COL21A1: variants seen among roughly 807,000 people sequenced by gnomAD.
COL21A1 encodes the protein collagen type XXI alpha 1 chain.
Under a neutral mutation model 137.9 loss-of-function variants are expected in COL21A1, and 149 were observed. The ratio of observed to expected loss-of-function variants is 1.08; its 90% confidence interval spans 0.95 to 1.24. COL21A1 has a LOEUF of 1.24. COL21A1 is among the 50% of genes most tolerant of loss of function. The pLI, the probability that COL21A1 is intolerant of heterozygous loss-of-function variation, is 0.00. For missense variants in COL21A1, 1,167 were observed against 1,158.4 expected (o/e 1.01, Z -0.11); for synonymous variants, 456 against 391.5 (o/e 1.16, Z -1.95).
chr6:56,150,780 G>T (rs1024257160), intron 10 of COL21A1, among the ~76,000 whole-genome samples: 2 of 152,090 alleles, frequency 1.3e-5, no homozygotes, highest in African/African-American at 4.8e-5. Flanking sequence ...GAGAACCTAG[G>T]CCTCATCTGG....
At chr6:56,341,672 T>C (rs1383168247) in intron 1 of COL21A1, among the ~76,000 whole-genome samples, 22 of 152,182 alleles carry the variant, frequency 1.4e-4, no homozygotes, top group Admixed American at 1.4e-3. Context: ...TCATTATACA[T>C]TTGTCTAAAC....
chr6:56,126,883 C>T (rs1243575745), intron 12 of COL21A1, among the ~76,000 whole-genome samples: 2 of 152,118 alleles, frequency 1.3e-5, no homozygotes, highest in Non-Finnish European at 2.9e-5. Flanking sequence ...CAATTATACT[C>T]CTAGCTTGTC....
At chr6:56,298,475 T>C (rs185678534) in intron 1 of COL21A1, among the ~76,000 whole-genome samples, 1 of 152,150 alleles carries the variant, frequency 6.6e-6, no homozygotes, top group Non-Finnish European at 1.5e-5. Context: ...CAGTTGAGTT[T>C]GTTGTCTCTG....
intron 1 of COL21A1, among the ~76,000 whole-genome samples, chr6:56,252,855 G>A (rs1782884495): frequency 2.0e-5 from 3 of 152,176 alleles, no homozygotes; most frequent in Admixed American, 2.0e-4. Context: ...TGCATGGAGA[G>A]AAAAGATATA....
chr6:56,110,041 G>A (rs1253565521), intron 16 of COL21A1, among the ~76,000 whole-genome samples: 1 of 151,886 alleles, frequency 6.6e-6, no homozygotes, highest in Admixed American at 6.6e-5. Context: ...AAAGAAAACT[G>A]CTGATCAAAA....
chr6:56,248,890 A>C (rs944722825), upstream of COL21A1, among the ~76,000 whole-genome samples: 3 of 152,232 alleles, frequency 2.0e-5, no homozygotes, highest in Admixed American at 1.3e-4. Flanking sequence ...TCAAGAAAAA[A>C]TAAGTTAGAC....
At chr6:56,120,875 G>A (rs1442926562) in intron 16 of COL21A1, among the ~76,000 whole-genome samples, 2 of 151,394 alleles carry the variant, frequency 1.3e-5, no homozygotes, top group Non-Finnish European at 2.9e-5. Flanking sequence ...GTACCCAAAA[G>A]AAGAAAGGAA....
At chr6:56,180,695 C>T (rs184434477) in intron 2 of COL21A1, among the ~76,000 whole-genome samples, 43 of 152,284 alleles carry the variant, frequency 2.8e-4, no homozygotes, top group African/African-American at 9.6e-4. Context: ...AAGAAAAAGA[C>T]TTCCCCTGTT....
At chr6:56,377,254 G>T (rs1198798862) in intron 1 of COL21A1, among the ~76,000 whole-genome samples, 3 of 152,068 alleles carry the variant, frequency 2.0e-5, no homozygotes, top group Non-Finnish European at 4.4e-5. Flanking sequence ...CTCCCAAAGT[G>T]CTGGGATTAC....
At chr6:56,146,745 A>G (rs1774868869) in intron 10 of COL21A1, among the ~76,000 whole-genome samples, 1 of 152,176 alleles carries the variant, frequency 6.6e-6, no homozygotes, top group Middle Eastern at 3.2e-3. Context: ...AGCAAGCTGA[A>G]AAACATATTG....
At chr6:56,291,327 G>A (rs4715607) in intron 1 of COL21A1, among the ~76,000 whole-genome samples, 68,239 of 152,024 alleles carry the variant, frequency 0.45, 17,250 homozygotes, top group East Asian at 0.77. Flanking sequence ...TGTTTGAAGG[G>A]GCAAGGTGAA....
At chr6:56,380,465 G>C (rs2094006981) in intron 1 of COL21A1, among the ~76,000 whole-genome samples, 1 of 152,042 alleles carries the variant, frequency 6.6e-6, no homozygotes, top group South Asian at 2.1e-4. Flanking sequence ...ATATAAAATT[G>C]ATCCTCATTA....
At chr6:56,260,681 A>C (rs188886036) in intron 1 of COL21A1, among the ~76,000 whole-genome samples, 3,305 of 109,028 alleles carry the variant, frequency 0.03, 115 homozygotes, top group Admixed American at 0.079. Context: ...GGAAGGAAGG[A>C]AGGAAGGAAG....
intron 1 of COL21A1, among the ~76,000 whole-genome samples, chr6:56,222,227 C>T (rs1051044547): frequency 6.6e-6 from 1 of 151,952 alleles, no homozygotes; most frequent in African/African-American, 2.4e-5. Context: ...GAGCCGAGAT[C>T]GTGCTATTGC....
intron 12 of COL21A1, among the ~76,000 whole-genome samples, chr6:56,139,746 T>TA (rs564414685): frequency 6.2e-4 from 95 of 152,252 alleles, no homozygotes; most frequent in South Asian, 1.7e-3. Context: ...TAAAACCACT[T>TA]AGTTTTTCGA....
At chr6:56,157,872 A>G (rs1381609400) in intron 9 of COL21A1, among the ~76,000 whole-genome samples, 1 of 152,204 alleles carries the variant, frequency 6.6e-6, no homozygotes, top group Non-Finnish European at 1.5e-5. Context: ...TAATTCTTGA[A>G]TACATGTAAT....
intron 10 of COL21A1, among the ~76,000 whole-genome samples, chr6:56,156,153 T>C (rs985773970): frequency 1.3e-5 from 2 of 152,136 alleles, no homozygotes; most frequent in African/African-American, 2.4e-5. Flanking sequence ...GAAAAGACAA[T>C]AGAATTTCTA....
chr6:56,230,560 T>C lies in COL21A1; in HGVS notation c.-39+16827A>G, dbSNP rs980410206. Among the ~76,000 whole-genome samples the C allele has an allele frequency of 2.6e-5, 4 of 151,920 alleles. No homozygotes were observed. In the South Asian group the frequency reaches 8.3e-4, roughly 31 times the overall value. On this transcript the variant is annotated intron_variant, in intron 1 of 29. Transcript: ENST00000244728. ...GTAATATAATTTTTTTTAGTTTGTA[T>C]TGTTATTAACATAAAGTATTGTCAT...
intron 1 of COL21A1, among the ~76,000 whole-genome samples, chr6:56,199,019 T>C (rs1435837018): frequency 6.6e-6 from 1 of 152,050 alleles, no homozygotes; most frequent in Admixed American, 6.6e-5. Context: ...CATTGAATCT[T>C]TCCCTTCTCC....
Sources: gnomAD v4.1 joint callset for allele counts (sites outside exome capture counted in the v4.1 genomes callset) on GRCh38, gnomAD v4.1.1 for gene constraint, MANE v1.5 for transcripts, NCBI Gene and HGNC (gene_info 2026-07-23, HGNC 2026-07-21) for gene names.